CEP350: variants seen among roughly 807,000 people sequenced by gnomAD.
The protein encoded by CEP350 is centrosome-associated protein 350.
CEP350 carries 126 observed loss-of-function variants against 331.8 expected under a neutral mutation model. The observed-to-expected ratio is 0.38, with a 90% CI of 0.33 to 0.44. CEP350 has a LOEUF of 0.44. Among genes scored for constraint, CEP350 ranks in the 20% least tolerant of loss-of-function variants. The probability of loss-of-function intolerance (pLI) is 1.00; values close to 1 mark genes in which losing one functional copy is unlikely to be tolerated. For synonymous variants in CEP350, 1,200 were observed against 1,259.5 expected (o/e 0.95, Z 1.00); for missense variants, 3,406 against 3,634.6 (o/e 0.94, Z 1.62).
At chr1:180,099,232 C>G (rs1367336582) in intron 37 of CEP350, among the ~76,000 whole-genome samples, 1 of 152,086 alleles carries the variant, frequency 6.6e-6, no homozygotes, top group Non-Finnish European at 1.5e-5. Context: ...CAAATGGAAG[C>G]AAAGTTTAAG....
In CEP350 at chr1:180,078,689, A is replaced by G; in HGVS notation, c.5979+15A>G. 1 of 1,565,858 alleles carries G rather than the reference A, an allele frequency of 6.4e-7. No homozygotes were observed. Among genetic ancestry groups the G allele is most frequent in the Non-Finnish European group, 8.7e-7 (1 of 1,155,704 alleles). On this transcript the variant is annotated intron_variant, in intron 29 of 37. Coordinates refer to ENST00000367607, the MANE Select transcript of CEP350 (RefSeq NM_014810.5). ...CTAGTAAACATGTAAGTTAATGTAT[A>G]TTTATATCTTAAAGATTCTCTAGAA...
intron 1 of CEP350, among the ~76,000 whole-genome samples, chr1:179,982,303 A>G (rs1280988418): frequency 1.3e-5 from 2 of 152,186 alleles, no homozygotes; most frequent in Admixed American, 6.5e-5. Flanking sequence ...ATGGAACTAT[A>G]TGGTATATAC....
intron 16 of CEP350, among the ~76,000 whole-genome samples, chr1:180,035,171 A>G (rs1248583955): frequency 2.0e-5 from 3 of 152,218 alleles, no homozygotes; most frequent in Non-Finnish European, 2.9e-5. Context: ...AATACTCTTC[A>G]ATTTTGTGAA....
intron 4 of CEP350, among the ~76,000 whole-genome samples, chr1:179,990,917 C>T (rs1653006480): frequency 1.3e-5 from 2 of 152,210 alleles, no homozygotes; most frequent in Admixed American, 6.5e-5. Context: ...CTTACAGTCT[C>T]GTGTTGTTTG....
At chr1:180,107,954 C>T (rs896500815) in intron 37 of CEP350, among the ~76,000 whole-genome samples, 3 of 151,500 alleles carry the variant, frequency 2.0e-5, no homozygotes, top group Admixed American at 6.6e-5. Flanking sequence ...GGAGCAGGAT[C>T]GGGGAAATGA....
intron 25 of CEP350, among the ~76,000 whole-genome samples, chr1:180,058,073 C>T (rs1657968675): frequency 6.6e-6 from 1 of 152,096 alleles, no homozygotes; most frequent in African/African-American, 2.4e-5. Flanking sequence ...CTACCTGGTT[C>T]AGTTGAGGAC....
chr1:180,045,811 AGGTC>A (rs1657079938), intron 21 of CEP350, among the ~76,000 whole-genome samples: 1 of 152,224 alleles, frequency 6.6e-6, no homozygotes, highest in Non-Finnish European at 1.5e-5. Flanking sequence ...ATTCAAATTA[AGGTC>A]TAAATTATTT....
rs74132271 is a variant in CEP350 at position 179,955,639 on chromosome 1, T to C, written c.-14+497T>C. 8.7e-3 allele frequency among the ~76,000 whole-genome samples: 1,324 copies of C among 152,322 alleles called. 16 individuals carry two copies. The highest frequency in any genetic ancestry group is 0.03 in the African/African-American group (1,251 of 41,562). On this transcript the variant is annotated intron_variant, in intron 1 of 37. Coordinates refer to ENST00000367607, the MANE Select transcript of CEP350 (RefSeq NM_014810.5). ...TATTCACAGATAATTTGGGGAAAGA[T>C]TTAAAAGGCTTTATGTTTTGGAAGT...
intron 14 of CEP350, among the ~76,000 whole-genome samples, chr1:180,029,805 C>G (rs190266604): frequency 8.9e-4 from 135 of 152,244 alleles, no homozygotes; most frequent in Admixed American, 4.2e-3. Context: ...AAATCTATAC[C>G]CATTCAATAA....
At chr1:179,998,812 C>A (rs953880548) in intron 6 of CEP350, among the ~76,000 whole-genome samples, 3 of 151,894 alleles carry the variant, frequency 2.0e-5, no homozygotes, top group Admixed American at 6.6e-5. Flanking sequence ...GTATTGTTTA[C>A]TATGTTTTTG....
At position 180,075,031 on chromosome 1, in the gene CEP350, A is replaced by G; in HGVS notation, c.5577A>G (p.Thr1859=). ...MRSRMDEKFL[T]KREQKLMQRR... ...CATGGTGTGACCATAGGTTTCTGACAAAGCGGGAGCAAAAATTAATGCAAC... is the reference window on the plus strand; with the variant it reads ...CATGGTGTGACCATAGGTTTCTGACGAAGCGGGAGCAAAAATTAATGCAAC... Residue 1859 remains threonine (T), a synonymous_variant, in exon 28 of 38, where the codon ACA becomes ACG. Transcript: ENST00000367607. The G allele has an allele frequency of 1.2e-6, 2 of 1,610,556 alleles. No individual in the cohort carries two copies. The highest frequency in any genetic ancestry group is 2.2e-5 in the East Asian group (1 of 44,824).
intron 13 of CEP350, among the ~76,000 whole-genome samples, chr1:180,023,582 G>A (rs1044001092): frequency 2.0e-5 from 3 of 152,122 alleles, no homozygotes; most frequent in African/African-American, 7.2e-5. Context: ...TAATTATTGG[G>A]CACTTAGTGT....
intron 1 of CEP350, among the ~76,000 whole-genome samples, chr1:179,984,443 T>C (rs1370522011): frequency 6.6e-6 from 1 of 152,198 alleles, no homozygotes; most frequent in Non-Finnish European, 1.5e-5. Flanking sequence ...CTCACCCACA[T>C]AGCTATAGGC....
intron 14 of CEP350, among the ~76,000 whole-genome samples, chr1:180,025,302 A>G (rs1655599271): frequency 6.6e-6 from 1 of 152,186 alleles, no homozygotes; most frequent in Non-Finnish European, 1.5e-5. Context: ...TATAATACCC[A>G]AATGTCCTTA....
chr1:179,975,613 CTAAG>C (rs1422976699), intron 1 of CEP350, among the ~76,000 whole-genome samples: 1 of 151,544 alleles, frequency 6.6e-6, no homozygotes, highest in Non-Finnish European at 1.5e-5. Flanking sequence ...GATATGATAA[CTAAG>C]TATATGATGG....
rs1485477664 is a variant in CEP350, at chr1:180,020,780, A to G, written c.3006A>G (p.Gly1002=). 4 of 1,613,822 alleles carry G rather than the reference A, an allele frequency of 2.5e-6. No homozygotes were observed. Among genetic ancestry groups the G allele is most frequent in the Non-Finnish European group, 3.4e-6 (4 of 1,179,880 alleles). The change falls in exon 12 of 38, where the codon GGA becomes GGG. Residue 1002 remains glycine (G), a synonymous_variant. Transcript: ENST00000367607. ...SLSEEEGDQD[G]QPLLKVAEIL... is the part of the protein sequence containing the mutation. The stretch of plus-strand genomic sequence containing the variant: ...CTGAAGAAGAGGGAGACCAGGATGG[A>G]CAGCCCCTTTTGAAAGTAGCAGAAA...
intron 1 of CEP350, among the ~76,000 whole-genome samples, chr1:179,977,504 C>T (rs1475409290): frequency 6.6e-6 from 1 of 152,020 alleles, no homozygotes; most frequent in Non-Finnish European, 1.5e-5. Flanking sequence ...ATAGTTTATT[C>T]CTTAAACCGA....
At chr1:180,066,342 C>G (rs1391364931) in intron 27 of CEP350, among the ~76,000 whole-genome samples, 2 of 152,298 alleles carry the variant, frequency 1.3e-5, no homozygotes, top group East Asian at 1.9e-4. Context: ...TTTTTGCTGA[C>G]TACCATTTTA....
At chr1:179,986,626 A>G (rs1329854321) in intron 2 of CEP350, among the ~76,000 whole-genome samples, 1 of 152,122 alleles carries the variant, frequency 6.6e-6, no homozygotes, top group Non-Finnish European at 1.5e-5. Flanking sequence ...ATTTTAAGGC[A>G]TTGATATTTT....
Sources: allele counts gnomAD v4.1 joint callset (sites outside exome capture counted in the v4.1 genomes callset), GRCh38; gene constraint gnomAD v4.1.1; transcripts MANE v1.5; gene names NCBI Gene and HGNC (gene_info 2026-07-23, HGNC 2026-07-21).